Variants in ZNF717 observed in about 807,000 individuals in gnomAD.
ZNF717 encodes zinc finger protein 717.
ZNF717 carries 9 observed loss-of-function variants against 13.8 expected under a neutral mutation model. That is an observed-to-expected ratio of 0.65 (90% CI 0.39 to 1.14). The LOEUF (loss-of-function observed/expected upper bound fraction) is 1.14. ZNF717 is among the 50% of genes most tolerant of loss of function. The pLI is 0.01. For missense variants in ZNF717, 1,040 were observed against 1,080.7 expected (o/e 0.96, Z 0.53); for synonymous variants, 327 against 364.1 (o/e 0.90, Z 1.16).
chr3:75,723,918 C>G (rs79057870), intron 4 of ZNF717, among the ~76,000 whole-genome samples: 1 of 131,926 alleles, frequency 7.6e-6, no homozygotes, highest in African/African-American at 2.7e-5. Flanking sequence ...AGGCCTGTCT[C>G]CCTGTGATGC....
At chr3:75,762,103 AAAAG>A (rs1201104650) in intron 2 of ZNF717, among the ~76,000 whole-genome samples, 1 of 144,512 alleles carries the variant, frequency 6.9e-6, no homozygotes, top group East Asian at 2.0e-4. Context: ...AGAAAAAAAG[AAAAG>A]AAAGAAAAAG....
At chr3:75,735,338 C>T (rs1396006211), downstream of ZNF717, among the ~76,000 whole-genome samples, 4 of 152,034 alleles carry the variant, frequency 2.6e-5, no homozygotes, top group Admixed American at 2.6e-4. Flanking sequence ...CTAGTAAAAA[C>T]CAAAGTATAG....
intron 2 of ZNF717, among the ~76,000 whole-genome samples, chr3:75,764,740 C>A (rs1943294846): frequency 6.6e-6 from 1 of 152,052 alleles, no homozygotes; most frequent in Non-Finnish European, 1.5e-5. Flanking sequence ...TCACTTCAAA[C>A]CCAACAGAAA....
In ZNF717 at chr3:75,771,419, T is replaced by C. The variant is rs553431187; in HGVS notation, c.57+11887A>G. 3.9e-5 allele frequency among the ~76,000 whole-genome samples: 6 copies of C among 152,364 alleles called. No homozygotes were observed. In the East Asian group the frequency reaches 1.2e-3, roughly 29 times the overall value. Reference sequence around the variant, plus strand: ...ACTCCTGAATCATTCATTGCTCAATTAAGCTCCTTTAAATTTAATTCAGCT... The same window carrying C: ...ACTCCTGAATCATTCATTGCTCAATCAAGCTCCTTTAAATTTAATTCAGCT... On this transcript the variant is annotated intron_variant, in intron 2 of 4. Transcript: ENST00000652011.
At chr3:75,713,326 T>C (rs1575717301) in intron 5 of ZNF717, among the ~76,000 whole-genome samples, 1 of 151,746 alleles carries the variant, frequency 6.6e-6, no homozygotes, top group Non-Finnish European at 1.5e-5. Flanking sequence ...AACTTCTGTA[T>C]TTTTTGTAGA....
intron 4 of ZNF717, among the ~76,000 whole-genome samples, chr3:75,724,520 C>T (rs1159055017): frequency 1.2e-4 from 18 of 152,320 alleles, no homozygotes; most frequent in South Asian, 2.1e-4. Flanking sequence ...CACCCTGTCA[C>T]ACTTAGTTCA....
At chr3:75,747,450 C>T (rs1473551323) in intron 2 of ZNF717, among the ~76,000 whole-genome samples, 1 of 151,644 alleles carries the variant, frequency 6.6e-6, no homozygotes, top group African/African-American at 2.4e-5. Flanking sequence ...TTACCTTGGG[C>T]AGTATGGCGA....
At chr3:75,732,531 A>T (rs1332136690), downstream of ZNF717, among the ~76,000 whole-genome samples, 4 of 152,234 alleles carry the variant, frequency 2.6e-5, no homozygotes, top group Non-Finnish European at 5.9e-5. Flanking sequence ...GATTGGGATT[A>T]GTGCACTTAT....
intron 2 of ZNF717, among the ~76,000 whole-genome samples, chr3:75,746,707 T>C (rs1575808549): frequency 6.6e-6 from 1 of 152,338 alleles, no homozygotes; most frequent in Admixed American, 6.5e-5. Flanking sequence ...TTCATATCCT[T>C]CGCCCACTTG....
chr3:75,759,344 C>T (rs1163019699), intron 2 of ZNF717, among the ~76,000 whole-genome samples: 5 of 149,646 alleles, frequency 3.3e-5, no homozygotes, highest in Admixed American at 6.6e-5. Flanking sequence ...GGCGTGATCT[C>T]GGCTCACTGC....
In ZNF717 at chr3:75,719,646, G is replaced by A. The variant is rs554449336; in HGVS notation, n.545-3105C>T. Among the ~76,000 whole-genome samples the A allele has an allele frequency of 6.5e-4, 99 of 152,204 alleles. 1 individual carries two copies. The highest frequency in any genetic ancestry group is 6.8e-3 in the Middle Eastern group (2 of 294). ...CAGGAAGGAAAAGTATTAATGAGGAGTACAAAATTCTACTTTAGAAAACAT... is the reference window on the plus strand; with the variant it reads ...CAGGAAGGAAAAGTATTAATGAGGAATACAAAATTCTACTTTAGAAAACAT... On this transcript the variant is annotated intron_variant and non_coding_transcript_variant, in intron 4 of 5. Transcript: ENST00000491507.
chr3:75,765,120 A>G (rs1157267831), intron 2 of ZNF717, among the ~76,000 whole-genome samples: 1 of 75,418 alleles, frequency 1.3e-5, no homozygotes, highest in African/African-American at 4.0e-5. Flanking sequence ...CATCTGACAC[A>G]TAACATGAAA....
At chr3:75,744,391 A>C (rs1940882803) in intron 2 of ZNF717, among the ~76,000 whole-genome samples, 1 of 152,252 alleles carries the variant, frequency 6.6e-6, no homozygotes, top group Admixed American at 6.5e-5. Flanking sequence ...AACAAATAAA[A>C]AGCTGAAGAG....
chr3:75,764,231 A>C (rs931013625), intron 2 of ZNF717, among the ~76,000 whole-genome samples: 3 of 152,160 alleles, frequency 2.0e-5, no homozygotes, highest in Non-Finnish European at 4.4e-5. Context: ...CACGAGCTAC[A>C]TGTAGGTTCC....
downstream of ZNF717, chr3:75,732,242 C>T (rs1344070750): frequency 6.1e-4 from 392 of 641,746 alleles, 2 homozygotes; most frequent in Admixed American, 9.6e-4. Context: ...TAACCAGATC[C>T]TAAATGACCT....
At position 75,737,044 on chromosome 3, in the gene ZNF717, T is replaced by C. The variant is rs1193338671; in HGVS notation, c.2579A>G (p.His860Arg). 4.4e-6 allele frequency: 7 copies of C among 1,603,640 alleles called. No homozygotes were observed. Among genetic ancestry groups the C allele is most frequent in the Admixed American group, 1.7e-5 (1 of 57,986 alleles). ...TFSQKSGLSI[H>R]QRTHTGEKPY... is the part of the protein sequence containing the mutation. Reference sequence around the variant, plus strand: ...TTTTTCTCCTGTGTGTGTTCTCTGATGTATACTGAGGCCTGACTTCTGGGA... The same window carrying C: ...TTTTTCTCCTGTGTGTGTTCTCTGACGTATACTGAGGCCTGACTTCTGGGA... The change falls in exon 5 of 5, where the codon CAT becomes CGT. Residue 860 changes from histidine to arginine, a missense_variant. Around this residue, in one of 3 missense-constraint regions of ZNF717, gnomAD observed 44 missense variants for 70.1 expected, o/e 0.63. Transcript: ENST00000652011.
intron 2 of ZNF717, among the ~76,000 whole-genome samples, chr3:75,754,317 T>C (rs1169401772): frequency 6.7e-6 from 1 of 149,930 alleles, no homozygotes; most frequent in African/African-American, 2.5e-5. Flanking sequence ...ATGCCTGGAA[T>C]TATGGGGAAA....
intron 6 of ZNF717, among the ~76,000 whole-genome samples, chr3:75,704,265 A>G (rs1205109525): frequency 1.3e-5 from 2 of 152,310 alleles, no homozygotes; most frequent in Non-Finnish European, 2.9e-5. Flanking sequence ...TCTCTGACTC[A>G]CCTCAAATTT....
chr3:75,717,384 A>G (rs77095679), intron 4 of ZNF717, among the ~76,000 whole-genome samples: 1 of 152,236 alleles, frequency 6.6e-6, no homozygotes, highest in Non-Finnish European at 1.5e-5. Flanking sequence ...GTTATTTTGA[A>G]CGGGTAGAAA....
Sources: allele counts gnomAD v4.1 joint callset (sites outside exome capture counted in the v4.1 genomes callset), GRCh38; gene constraint gnomAD v4.1.1; regional missense constraint gnomAD v4.1.1; transcripts MANE v1.5; gene names NCBI Gene and HGNC (gene_info 2026-07-23, HGNC 2026-07-21).